MSH4: variants seen among roughly 807,000 people sequenced by gnomAD.
MSH4 encodes mutS homolog 4.
Under a neutral mutation model 113.7 loss-of-function variants are expected in MSH4, and 106 were observed. The observed-to-expected ratio is 0.93, with a 90% CI of 0.80 to 1.10. The LOEUF (loss-of-function observed/expected upper bound fraction) is 1.10. Among genes scored for constraint, MSH4 ranks in the 50% least tolerant of loss-of-function variants. MSH4 has a pLI of 0.00. For synonymous variants in MSH4, 368 were observed against 380.2 expected (o/e 0.97, Z 0.37); for missense variants, 1,061 against 1,093.7 (o/e 0.97, Z 0.42).
chr1:75,874,125 G>A (rs149154016), intron 9 of MSH4, among the ~76,000 whole-genome samples: 1 of 152,286 alleles, frequency 6.6e-6, no homozygotes, highest in African/African-American at 2.4e-5. Context: ...TCTGACTGGT[G>A]TGAGATGGTA....
chr1:75,826,116 C>A (rs1650544477), intron 7 of MSH4, among the ~76,000 whole-genome samples: 1 of 152,072 alleles, frequency 6.6e-6, no homozygotes. Flanking sequence ...GGTTGGTGGG[C>A]TATTAATTAC....
chr1:75,848,807 T>C (rs538795721), intron 8 of MSH4, among the ~76,000 whole-genome samples: 40 of 152,302 alleles, frequency 2.6e-4, no homozygotes, highest in African/African-American at 7.2e-4. Flanking sequence ...TAAGGAGTTA[T>C]ATATAATTTT....
Position 75,796,912 on chromosome 1 carries a change from A to G in MSH4, c.-74A>G. On this transcript the variant is annotated 5_prime_UTR_variant, in exon 1 of 20. Transcript: ENST00000263187. The stretch of plus-strand genomic sequence containing the variant: ...GTTCTCCCGCCCGTTTCAGCGGCGC[A>G]GCTTCTGTAGTTGGGCTACTGGAGG... The G allele has an allele frequency of 1.9e-6, 3 of 1,590,448 alleles. No homozygotes were observed. Among genetic ancestry groups the G allele is most frequent in the Non-Finnish European group, 1.7e-6 (2 of 1,166,672 alleles).
chr1:75,826,034 G>A lies in MSH4; in HGVS notation c.1162+3453G>A, dbSNP rs562684164. Among the ~76,000 whole-genome samples, 4 of 152,292 alleles carry A rather than the reference G, an allele frequency of 2.6e-5. No individual in the cohort carries two copies. In the East Asian group the frequency reaches 7.7e-4, roughly 29 times the overall value. ...CTATTGTTTGAAATAGTTTCAAAAG[G>A]AATGGTACCAGCTCCTCCTTGTACC... On this transcript the variant is annotated intron_variant, in intron 7 of 19. Coordinates refer to ENST00000263187, the MANE Select transcript of MSH4 (RefSeq NM_002440.4).
rs1652419949 is a variant in MSH4 at position 75,897,947 on chromosome 1, A to T, written c.2396A>T (p.His799Leu). Residue 799 changes from histidine (H) to leucine (L), a missense_variant, in exon 18 of 20, where the codon CAT becomes CTT. By Grantham distance (99) the His-to-Leu change is moderately conservative. Coordinates refer to ENST00000263187, the MANE Select transcript of MSH4 (RefSeq NM_002440.4). ...LFATHFLELC[H>L]IDALYPNVEN... ...GCTACACATTTCCTGGAACTATGCC[A>T]TATTGATGCCCTGTATCCTAATGTA... 6.3e-7 allele frequency: 1 copy of T among 1,595,182 alleles called. No homozygotes were observed. Among genetic ancestry groups the T allele is most frequent in the African/African-American group, 1.3e-5 (1 of 74,312 alleles).
intron 19 of MSH4, among the ~76,000 whole-genome samples, chr1:75,903,325 A>C (rs963105848): frequency 6.6e-6 from 1 of 151,984 alleles, no homozygotes; most frequent in African/African-American, 2.4e-5. Context: ...CTTGTTGAAA[A>C]TGAGTTGGCT....
Position 75,869,474 on chromosome 1 carries a change from G to A in MSH4, c.1305+1886G>A, listed in dbSNP as rs375869580. Among the ~76,000 whole-genome samples the A allele has an allele frequency of 3.9e-4, 60 of 152,312 alleles. 1 individual carries two copies. The highest frequency in any genetic ancestry group is 1.4e-3 in the African/African-American group (59 of 41,574). On this transcript the variant is annotated intron_variant, in intron 9 of 19. Transcript: ENST00000263187. ...AATGGGGAAAATGTCTCCAGGTCAT[G>A]TCAGAGACCTTTATGGCAGCCCCTT...
In MSH4 at chr1:75,889,252, A is replaced by T. The variant is rs112512725; in HGVS notation, c.2109A>T (p.Gly703=). ...TTATCTTGACCTTATATTTTACAGGATCATATGTTCCAGCAGAATATTCTT... is the reference window on the plus strand; with the variant it reads ...TTATCTTGACCTTATATTTTACAGGTTCATATGTTCCAGCAGAATATTCTT... ...IALCQIMAQI[G]SYVPAEYSSF... is the part of the protein sequence containing the mutation. Residue 703 remains glycine (G), a splice_region_variant and synonymous_variant, in exon 16 of 20, where the codon GGA becomes GGT. Coordinates refer to ENST00000263187, the MANE Select transcript of MSH4 (RefSeq NM_002440.4). The T allele has an allele frequency of 7.5e-6, 10 of 1,338,422 alleles. No individual in the cohort carries two copies. Among genetic ancestry groups the T allele is most frequent in the African/African-American group, 7.3e-5 (5 of 68,270 alleles). 82.9% of individuals were successfully genotyped at this position (1,338,422 alleles called of 1,614,324 possible). A position where few individuals can be genotyped will look rare whatever the true frequency, so the allele number is the denominator to read the frequency against.
Position 75,797,230 on chromosome 1 carries a change from G to A in MSH4, c.244+1G>A, listed in dbSNP as rs754872147. ...GCGCCAAACTCCCGGCCAGCTCAAG[G>A]CAAGGAGTGATTGGGTGGAGGAGTC... On this transcript the variant is annotated splice_donor_variant, in intron 1 of 19. Transcript: ENST00000263187. LOFTEE classifies it high-confidence loss of function. 4 of 1,602,534 alleles carry A rather than the reference G, an allele frequency of 2.5e-6. No homozygotes were observed. Among genetic ancestry groups the A allele is most frequent in the Non-Finnish European group, 3.4e-6 (4 of 1,175,124 alleles).
chr1:75,835,635 A>C (rs1444792434), intron 7 of MSH4, among the ~76,000 whole-genome samples: 1 of 151,966 alleles, frequency 6.6e-6, no homozygotes, highest in Non-Finnish European at 1.5e-5. Context: ...CTGTATCTTC[A>C]TTATTTTTCT....
chr1:75,803,891 G>A lies in MSH4; in HGVS notation c.405G>A (p.Trp135Ter). ...CTCAGAGATCAGGTTATAAGAGCTG[G>A]ACACCACAAGTGGGATATTCAGGTA... ...GNPQRSGYKS[W>*]TPQVGYSASS... Residue 135 changes from tryptophan to a stop codon, truncating the protein, a stop_gained, in exon 2 of 20, where the codon TGG becomes TGA. Coordinates refer to ENST00000263187, the MANE Select transcript of MSH4 (RefSeq NM_002440.4). LOFTEE classifies it high-confidence loss of function. The A allele has an allele frequency of 6.4e-7, 1 of 1,552,706 alleles. No individual in the cohort carries two copies. Among genetic ancestry groups the A allele is most frequent in the Non-Finnish European group, 8.7e-7 (1 of 1,153,102 alleles).
intron 7 of MSH4, among the ~76,000 whole-genome samples, chr1:75,843,865 G>T (rs923074234): frequency 1.3e-5 from 2 of 151,932 alleles, no homozygotes; most frequent in Non-Finnish European, 2.9e-5. Context: ...AGGCTGGAAT[G>T]CAATGGAGTG....
In MSH4 at chr1:75,836,215, T is replaced by G. The variant is rs145938045; in HGVS notation, c.1163-11994T>G. Among the ~76,000 whole-genome samples the G allele has an allele frequency of 5.0e-4, 76 of 152,280 alleles. 1 individual carries two copies. In the East Asian group the frequency reaches 0.014, roughly 27 times the overall value. ...CTTTGCCTGAAATCACACTGTTGGT[T>G]GGCTTGGTTTCCCTTCTCTGTCCTT... On this transcript the variant is annotated intron_variant, in intron 7 of 19. Coordinates refer to ENST00000263187, the MANE Select transcript of MSH4 (RefSeq NM_002440.4).
At chr1:75,907,674 C>CTCTCTCTG (rs1439033603) in intron 19 of MSH4, among the ~76,000 whole-genome samples, 1 of 81,534 alleles carries the variant, frequency 1.2e-5, no homozygotes, top group Non-Finnish European at 2.3e-5. Flanking sequence ...CTCTCTCTCT[C>CTCTCTCTG]TCTCTCTCTC....
chr1:75,887,719 A>C (rs1188281211), intron 15 of MSH4, among the ~76,000 whole-genome samples: 1 of 152,108 alleles, frequency 6.6e-6, no homozygotes, highest in East Asian at 1.9e-4. Context: ...CTTTGCCCTA[A>C]ATTAGCAAAT....
At chr1:75,906,825 G>A (rs79674272) in intron 19 of MSH4, among the ~76,000 whole-genome samples, 7,355 of 145,868 alleles carry the variant, frequency 0.05, 330 homozygotes, top group African/African-American at 0.12. Context: ...TTTCATAAAC[G>A]TGTCTTTTTT....
intron 7 of MSH4, among the ~76,000 whole-genome samples, chr1:75,828,864 T>C (rs886343338): frequency 1.3e-5 from 2 of 152,244 alleles, no homozygotes; most frequent in Admixed American, 6.5e-5. Flanking sequence ...ACAGCTCCAG[T>C]CTGCAGCTCC....
At chr1:75,890,617 TG>T (rs1176057564) in intron 16 of MSH4, 78 bp from the exon 17 acceptor site, 8 of 682,152 alleles carry the variant, frequency 1.2e-5, no homozygotes, top group Non-Finnish European at 1.9e-5. Context: ...ATAAAGAGAC[TG>T]GGTTTCTCCT....
intron 6 of MSH4, among the ~76,000 whole-genome samples, chr1:75,817,577 G>A (rs956279755): frequency 1.3e-5 from 2 of 152,136 alleles, no homozygotes; most frequent in Non-Finnish European, 2.9e-5. Context: ...CCAGGAGTTA[G>A]TATTATAGTT....
Sources: gnomAD v4.1 joint callset for allele counts (sites outside exome capture counted in the v4.1 genomes callset) on GRCh38, gnomAD v4.1.1 for gene constraint, MANE v1.5 for transcripts, NCBI Gene and HGNC (gene_info 2026-07-23, HGNC 2026-07-21) for gene names.